Variants in PTPRM observed in about 807,000 individuals in gnomAD.
PTPRM encodes protein tyrosine phosphatase receptor type M, also known as receptor-type tyrosine-protein phosphatase mu.
A neutral mutation model predicts 186.7 loss-of-function variants in PTPRM; 47 were observed. That is an observed-to-expected ratio of 0.25 (90% confidence interval 0.20 to 0.32). PTPRM has a LOEUF of 0.32. PTPRM is among the 10% of genes least tolerant of loss of function. The pLI is 1.00. For synonymous variants in PTPRM, 668 were observed against 674.9 expected (o/e 0.99, Z 0.16); for missense variants, 1,494 against 1,865.0 (o/e 0.80, Z 3.66).
chr18:7,995,037 GT>G (rs765461205), intron 7 of PTPRM, among the ~76,000 whole-genome samples: 4 of 151,856 alleles, frequency 2.6e-5, no homozygotes, highest in African/African-American at 9.7e-5. Context: ...GAAAACTTTG[GT>G]TTTCTGAAAA....
chr18:7,742,022 G>GC (rs1210326690), intron 1 of PTPRM: 1 of 152,118 alleles, frequency 6.6e-6, no homozygotes, highest in Non-Finnish European at 1.5e-5. Context: ...AATTACTTAT[G>GC]CCATTAACAT....
intron 1 of PTPRM, among the ~76,000 whole-genome samples, chr18:7,687,679 A>G (rs2039634698): frequency 6.6e-6 from 1 of 152,114 alleles, no homozygotes; most frequent in Admixed American, 6.6e-5. Context: ...GGACAGCAAT[A>G]CCGTACCTCA....
At chr18:8,234,478 T>A (rs1401992786) in intron 14 of PTPRM, among the ~76,000 whole-genome samples, 2 of 152,124 alleles carry the variant, frequency 1.3e-5, no homozygotes, top group African/African-American at 4.8e-5. Context: ...AGGAGCTAAT[T>A]TTGTTGGTTC....
intron 2 of PTPRM, among the ~76,000 whole-genome samples, chr18:7,831,367 A>T (rs997437420): frequency 3.3e-5 from 5 of 151,882 alleles, no homozygotes; most frequent in African/African-American, 1.2e-4. Flanking sequence ...TTCCTGAGTT[A>T]TTTTTTTAAT....
intron 1 of PTPRM, among the ~76,000 whole-genome samples, chr18:7,761,939 C>T (rs1002757640): frequency 2.6e-5 from 4 of 152,156 alleles, no homozygotes; most frequent in Non-Finnish European, 5.9e-5. Context: ...GTTTTTTCTT[C>T]AGCGCTCCTT....
At chr18:8,264,050 A>G (rs185537612) in intron 19 of PTPRM, among the ~76,000 whole-genome samples, 52 of 152,298 alleles carry the variant, frequency 3.4e-4, no homozygotes, top group African/African-American at 1.2e-3. Context: ...CTGAGGCCTC[A>G]GCCTATGGGA....
intron 2 of PTPRM, among the ~76,000 whole-genome samples, chr18:7,840,569 C>T (rs1056255208): frequency 6.6e-6 from 1 of 152,166 alleles, no homozygotes; most frequent in South Asian, 2.1e-4. Flanking sequence ...GCTATAAAAG[C>T]CATTGGCAGT....
intron 11 of PTPRM, among the ~76,000 whole-genome samples, chr18:8,104,558 C>T (rs1010132839): frequency 2.0e-5 from 3 of 152,158 alleles, no homozygotes; most frequent in Non-Finnish European, 4.4e-5. Flanking sequence ...GATCCTCCCA[C>T]CTCAGTCTCC....
chr18:8,039,685 C>T (rs964116383), intron 7 of PTPRM, among the ~76,000 whole-genome samples: 1 of 152,164 alleles, frequency 6.6e-6, no homozygotes, highest in African/African-American at 2.4e-5. Context: ...AAAATCTACT[C>T]TCCCAGCGAT....
At position 8,376,108 on chromosome 18, in the gene PTPRM, G is replaced by C; in HGVS notation, c.3234G>C (p.Gly1078=). ...QFHFTGWPDH[G]VPYHATGLLG... ...ACTTCACTGGCTGGCCGGATCATGG[G>C]GTCCCCTACCATGCCACCGGCCTGC... Residue 1078 remains glycine, a synonymous_variant, in exon 25 of 33, where the codon GGG becomes GGC. Coordinates refer to ENST00000580170, the MANE Select transcript of PTPRM (RefSeq NM_001105244.2). 3.7e-6 allele frequency: 6 copies of C among 1,614,056 alleles called. No homozygotes were observed. The highest frequency in any genetic ancestry group is 5.1e-6 in the Non-Finnish European group (6 of 1,179,974).
At chr18:7,808,801 A>G (rs1158767243) in intron 2 of PTPRM, among the ~76,000 whole-genome samples, 3 of 152,228 alleles carry the variant, frequency 2.0e-5, no homozygotes, top group East Asian at 1.9e-4. Context: ...TTATTAGCTT[A>G]TTGGTATTAT....
intron 1 of PTPRM, among the ~76,000 whole-genome samples, chr18:7,637,669 A>G (rs1415818044): frequency 6.6e-6 from 1 of 152,194 alleles, no homozygotes; most frequent in Non-Finnish European, 1.5e-5. Context: ...CTTAATAATC[A>G]TTGAATTAAT....
rs528487010 is a variant in PTPRM, at chr18:7,698,440, C to G, written c.74-75709C>G. Among the ~76,000 whole-genome samples, 106 of 152,288 alleles carry G rather than the reference C, an allele frequency of 7.0e-4. 1 individual carries two copies. The South Asian group carries it at 8.5e-3, about 12-fold the overall frequency. ...GTAAACCTCTCAATTTATATCATTA[C>G]TTTATCAATCCAGCATCATGATAAA... On this transcript the variant is annotated intron_variant, in intron 1 of 32. Coordinates refer to ENST00000580170, the MANE Select transcript of PTPRM (RefSeq NM_001105244.2).
chr18:8,281,458 G>A (rs1411517052), intron 19 of PTPRM, among the ~76,000 whole-genome samples: 1 of 152,280 alleles, frequency 6.6e-6, no homozygotes, highest in East Asian at 1.9e-4. Context: ...ACAAAAATCT[G>A]TGCCGTGCAG....
At chr18:8,291,853 CAA>C (rs59979399) in intron 19 of PTPRM, among the ~76,000 whole-genome samples, 190 of 107,684 alleles carry the variant, frequency 1.8e-3, no homozygotes, top group Non-Finnish European at 3.3e-3. Context: ...CATGGTCTTC[CAA>C]AAAAAAAAAA....
rs143053068 is a variant in PTPRM at position 8,099,574 on chromosome 18, C to T, written c.1856+10723C>T. On this transcript the variant is annotated intron_variant, in intron 11 of 32. Coordinates refer to ENST00000580170, the MANE Select transcript of PTPRM (RefSeq NM_001105244.2). Reference sequence around the variant, plus strand: ...GAAGTAAACAGGCCAATGTGTCTTCCGGATGGAAAATTAACAGATTACCGT... The same window carrying T: ...GAAGTAAACAGGCCAATGTGTCTTCTGGATGGAAAATTAACAGATTACCGT... Among the ~76,000 whole-genome samples the T allele has an allele frequency of 4.4e-3, 666 of 151,936 alleles. 3 individuals carry two copies. The highest frequency in any genetic ancestry group is 5.7e-3 in the Non-Finnish European group (388 of 68,010).
chr18:8,042,924 T>A (rs192350476), intron 7 of PTPRM, among the ~76,000 whole-genome samples: 1 of 152,206 alleles, frequency 6.6e-6, no homozygotes, highest in Non-Finnish European at 1.5e-5. Flanking sequence ...CTGTAGACCC[T>A]CCAACTCCCC....
intron 19 of PTPRM, among the ~76,000 whole-genome samples, chr18:8,262,965 C>T (rs535913762): frequency 9.2e-5 from 14 of 152,212 alleles, no homozygotes; most frequent in Admixed American, 7.2e-4. Context: ...CATATAGGAT[C>T]GGGTGGGCTA....
At chr18:7,593,742 C>T (rs2037183999) in intron 1 of PTPRM, among the ~76,000 whole-genome samples, 1 of 152,134 alleles carries the variant, frequency 6.6e-6, no homozygotes, top group South Asian at 2.1e-4. Context: ...AAGCCTTTAA[C>T]CTTGAACCTC....
Sources: allele counts gnomAD v4.1 joint callset (sites outside exome capture counted in the v4.1 genomes callset), GRCh38; gene constraint gnomAD v4.1.1; transcripts MANE v1.5; gene names NCBI Gene and HGNC (gene_info 2026-07-23, HGNC 2026-07-21).